The following PIGK variants were observed in gnomAD, a reference collection of about 807,000 sequenced individuals.
PIGK encodes the protein GPI-anchor transamidase.
In PIGK, 42 loss-of-function variants were observed where a neutral mutation model predicts 50.6. The observed-to-expected ratio is 0.83, with a 90% CI of 0.65 to 1.07. PIGK has a LOEUF of 1.07. Ranked by LOEUF, PIGK falls within the 50% of genes least tolerant of loss-of-function variation. The probability of loss-of-function intolerance (pLI) is 0.00; values close to 1 mark genes in which losing one functional copy is unlikely to be tolerated. For missense variants in PIGK, 448 were observed against 488.7 expected (o/e 0.92, Z 0.78); for synonymous variants, 151 against 156.0 (o/e 0.97, Z 0.24).
chr1:77,172,930 A>AAAC (rs949374357), intron 3 of PIGK, among the ~76,000 whole-genome samples: 3 of 152,098 alleles, frequency 2.0e-5, no homozygotes, highest in Admixed American at 2.0e-4. Flanking sequence ...CCTCAGAAAA[A>AAAC]AATAATAATA....
intron 3 of PIGK, among the ~76,000 whole-genome samples, chr1:77,182,105 T>C (rs992402581): frequency 6.6e-6 from 1 of 152,242 alleles, no homozygotes. Flanking sequence ...GACTCATCAG[T>C]AAGCAGACAT....
At chr1:77,177,937 CAGA>C (rs145898355) in intron 3 of PIGK, among the ~76,000 whole-genome samples, 1,902 of 152,260 alleles carry the variant, frequency 0.012, 38 homozygotes, top group African/African-American at 0.044. Flanking sequence ...AGTTTCTCCC[CAGA>C]AGAAGATGGC....
At chr1:77,210,352 G>T (rs1656388290) in intron 2 of PIGK, 84 bp downstream of exon 2, 1 of 724,540 alleles carries the variant, frequency 1.4e-6, no homozygotes, top group Non-Finnish European at 2.2e-6. Flanking sequence ...AAAATAAATT[G>T]TATTTTCAAA....
chr1:77,169,913 C>G (rs887649323), intron 3 of PIGK, among the ~76,000 whole-genome samples: 4 of 152,180 alleles, frequency 2.6e-5, no homozygotes, highest in African/African-American at 9.7e-5. Context: ...TGCAACTGAT[C>G]AGCAAGTACA....
Position 77,091,891 on chromosome 1 carries a change from G to C in PIGK, c.*483C>G, listed in dbSNP as rs1653308998. On this transcript the variant is annotated 3_prime_UTR_variant, in exon 11 of 11. Coordinates refer to ENST00000370812, the MANE Select transcript of PIGK (RefSeq NM_005482.3). ...AGTCATTCACAATGTATTTTTGAGAGGGAAAAGGTTGATAATACATTGTAA... is the reference window on the plus strand; with the variant it reads ...AGTCATTCACAATGTATTTTTGAGACGGAAAAGGTTGATAATACATTGTAA... 6.6e-6 allele frequency: 1 copy of C among 152,412 alleles called. No homozygotes were observed. The highest frequency in any genetic ancestry group is 6.6e-5 in the Admixed American group (1 of 15,262). 9.4% of individuals were successfully genotyped at this position (152,412 alleles called of 1,614,324 possible). A position where few individuals can be genotyped will look rare whatever the true frequency, so the allele number is the denominator to read the frequency against.
chr1:77,194,822 G>T, intron 3 of PIGK: 1 of 364,570 alleles, frequency 2.7e-6, no homozygotes, highest in South Asian at 2.3e-5. Context: ...AAAAGACTCA[G>T]TGACCAGGTC....
chr1:77,123,686 T>TG lies in PIGK; in HGVS notation c.987-1328dup, dbSNP rs1654157150. ...ACAGATAGAGGTTCCGTTCGCAAGATGAAAAAAGTTCTGGAGATGGATGGG... is the reference window on the plus strand; with the variant it reads ...ACAGATAGAGGTTCCGTTCGCAAGATGGAAAAAAGTTCTGGAGATGGATGGG... On this transcript the variant is annotated intron_variant, in intron 9 of 10. Coordinates refer to ENST00000370812, the MANE Select transcript of PIGK (RefSeq NM_005482.3). 2.0e-5 allele frequency among the ~76,000 whole-genome samples: 3 copies of TG among 152,016 alleles called. 1 individual carries two copies. The highest frequency in any genetic ancestry group is 6.6e-5 in the Admixed American group (1 of 15,262).
intron 8 of PIGK, among the ~76,000 whole-genome samples, chr1:77,159,689 C>T (rs1655093150): frequency 6.6e-6 from 1 of 152,126 alleles, no homozygotes; most frequent in African/African-American, 2.4e-5. Flanking sequence ...TAATGACTGC[C>T]CTATTGGATT....
At chr1:77,154,819 T>C (rs574806371) in intron 8 of PIGK, among the ~76,000 whole-genome samples, 198 bp from the exon 9 acceptor site, 37 of 152,148 alleles carry the variant, frequency 2.4e-4, no homozygotes, top group Non-Finnish European at 4.9e-4. Flanking sequence ...ATACAGACAT[T>C]AGGACAGTAA....
chr1:77,140,723 C>T lies in PIGK; in HGVS notation c.986+13726G>A, dbSNP rs117474786. 4.1e-4 allele frequency among the ~76,000 whole-genome samples: 63 copies of T among 152,234 alleles called. 1 individual carries two copies. The East Asian group carries it at 0.012, about 29-fold the overall frequency. On this transcript the variant is annotated intron_variant, in intron 9 of 10. Coordinates refer to ENST00000370812, the MANE Select transcript of PIGK (RefSeq NM_005482.3). ...AAACAAAAAAAACCACTACATTTGA[C>T]ACTAAAACCATACAAGATTAATTTT...
chr1:77,161,553 AT>A (rs781732771), intron 7 of PIGK, 40 bp downstream of exon 7: 33 of 1,016,718 alleles, frequency 3.2e-5, no homozygotes, highest in Non-Finnish European at 4.7e-5. Flanking sequence ...ATAGCTGCAC[AT>A]TCCAAAGACA....
At chr1:77,140,254 C>CTCAG in intron 9 of PIGK, among the ~76,000 whole-genome samples, 1 of 151,956 alleles carries the variant, frequency 6.6e-6, no homozygotes, top group East Asian at 1.9e-4. Flanking sequence ...CACTCACTCA[C>CTCAG]TCTTTCTCTC....
At position 77,169,216 on chromosome 1, in the gene PIGK, G is replaced by C. The variant is rs770973993; in HGVS notation, c.375+44C>G. ...TCTGCCATTGTTTTAGAGCCTAAAA[G>C]TAACAATGCCATTTTAAAAATGTGG... On this transcript the variant is annotated intron_variant, in intron 4 of 10. Coordinates refer to ENST00000370812, the MANE Select transcript of PIGK (RefSeq NM_005482.3). 9 of 1,315,214 alleles carry C rather than the reference G, an allele frequency of 6.8e-6. No individual in the cohort carries two copies. The South Asian group carries it at 1.4e-4, about 20-fold the overall frequency. 81.5% of individuals were successfully genotyped at this position (1,315,214 alleles called of 1,614,324 possible). A position where few individuals can be genotyped will look rare whatever the true frequency, so the allele number is the denominator to read the frequency against.
chr1:77,131,268 C>A (rs1189861293), intron 9 of PIGK, among the ~76,000 whole-genome samples: 2 of 151,468 alleles, frequency 1.3e-5, no homozygotes, highest in Non-Finnish European at 2.9e-5. Context: ...ATGTAATGAT[C>A]TTTTATCTGG....
intron 8 of PIGK, among the ~76,000 whole-genome samples, chr1:77,160,289 A>G (rs72683915): frequency 0.037 from 5,653 of 152,272 alleles, 207 homozygotes; most frequent in South Asian, 0.21. Context: ...TTTTCTTTAT[A>G]AATTACCCAG....
In PIGK at chr1:77,161,725, G is replaced by C. The variant is rs1281204646; in HGVS notation, c.585-14C>G. ...AGCTCATTGTAGCTGAAAGAAAAAT[G>C]ATAACATCTTTGACAAGGATCATGC... On this transcript the variant is annotated splice_polypyrimidine_tract_variant and intron_variant, in intron 6 of 10. Coordinates refer to ENST00000370812, the MANE Select transcript of PIGK (RefSeq NM_005482.3). 9.9e-7 allele frequency: 1 copy of C among 1,012,486 alleles called. No individual in the cohort carries two copies. The highest frequency in any genetic ancestry group is 1.6e-6 in the Non-Finnish European group (1 of 633,164). The allele number at this position is 1,012,486 out of a possible 1,614,324, so 62.7% of individuals were successfully genotyped here. A position where few individuals can be genotyped will look rare whatever the true frequency, so the allele number is the denominator to read the frequency against.
chr1:77,195,600 TC>T (rs1197182665), intron 3 of PIGK, among the ~76,000 whole-genome samples: 1 of 152,176 alleles, frequency 6.6e-6, no homozygotes, highest in Non-Finnish European at 1.5e-5. Context: ...CTTCACGGGC[TC>T]CAGTATTTTG....
intron 3 of PIGK, among the ~76,000 whole-genome samples, chr1:77,182,008 AT>A (rs1175653688): frequency 2.0e-5 from 3 of 152,212 alleles, no homozygotes; most frequent in Non-Finnish European, 4.4e-5. Context: ...AACAATTAGC[AT>A]TCTTCGATAC....
intron 9 of PIGK, chr1:77,153,516 G>A (rs1654940149): frequency 6.6e-6 from 1 of 151,962 alleles, no homozygotes; most frequent in Admixed American, 6.6e-5. Flanking sequence ...ACAAAGAAAA[G>A]ACAAATGTCT....
Sources: allele counts gnomAD v4.1 joint callset (sites outside exome capture counted in the v4.1 genomes callset), GRCh38; gene constraint gnomAD v4.1.1; transcripts MANE v1.5; gene names NCBI Gene and HGNC (gene_info 2026-07-23, HGNC 2026-07-21).